The following PTER variants were observed in gnomAD, a reference collection of about 807,000 sequenced individuals.
PTER encodes N-acetyltaurine hydrolase.
In PTER, 38 loss-of-function variants were observed where a neutral mutation model predicts 29.6. That is an observed-to-expected ratio of 1.28 (90% CI 0.99 to 1.68). The LOEUF (loss-of-function observed/expected upper bound fraction) is 1.68, where lower values mean the gene tolerates loss of function less well. Among genes scored for constraint, PTER ranks in the 40% most tolerant of loss-of-function variants. The pLI is 0.00. For missense variants in PTER, 482 were observed against 427.8 expected, an observed-to-expected ratio of 1.13 and a Z score of -1.12; for synonymous variants, 172 against 154.5, an observed-to-expected ratio of 1.11 and a Z score of -0.84.
In PTER at chr10:16,484,410, A is replaced by G; in HGVS notation, c.26A>G (p.Gln9Arg). 6.3e-7 allele frequency: 1 copy of G among 1,597,376 alleles called. No individual in the cohort carries two copies. Among genetic ancestry groups the G allele is most frequent in the Non-Finnish European group, 8.5e-7 (1 of 1,175,560 alleles). The change falls in exon 2 of 5, where the codon CAA (glutamine) becomes CGA (arginine). Residue 9 changes from glutamine (Q) to arginine (R), a missense_variant. Transcript: ENST00000535784. Reference sequence around the variant, plus strand: ...ATGTCTTCCTTAAGTGGAAAAGTCCAAACCGTTTTGGGCCTTGTAGAGCCA... The same window carrying G: ...ATGTCTTCCTTAAGTGGAAAAGTCCGAACCGTTTTGGGCCTTGTAGAGCCA... MSSLSGKVQTVLGLVEPSK... is the reference protein window; with the variant it reads MSSLSGKVRTVLGLVEPSK...
chr10:16,476,611 G>A (rs183018450), intron 1 of PTER, among the ~76,000 whole-genome samples: 145 of 152,144 alleles, frequency 9.5e-4, no homozygotes, highest in Non-Finnish European at 1.9e-3. Flanking sequence ...TGTTGGCCAG[G>A]TTGGAGTGCA....
chr10:16,482,200 A>G (rs564921690), intron 1 of PTER, among the ~76,000 whole-genome samples: 1 of 152,346 alleles, frequency 6.6e-6, no homozygotes, highest in South Asian at 2.1e-4. Context: ...ATAAGCCAAT[A>G]TATCGCAAAC....
chr10:16,511,087 T>C lies in PTER; in HGVS notation c.881T>C (p.Leu294Pro), dbSNP rs764509957. The C allele has an allele frequency of 2.5e-6, 4 of 1,613,896 alleles. No individual in the cohort carries two copies. Among genetic ancestry groups the C allele is most frequent in the Non-Finnish European group, 3.4e-6 (4 of 1,179,964 alleles). Residue 294 changes from leucine (L) to proline (P), a missense_variant, in exon 5 of 5, where the codon CTG becomes CCG. By Grantham distance (98) the Leu-to-Pro change is moderately conservative. Coordinates refer to ENST00000535784, the MANE Select transcript of PTER (RefSeq NM_001261836.2). ...LVEEGCEDRI[L>P]VAHDIHTKTR... ...GAAGAGGGCTGTGAAGATCGAATTCTGGTAGCACATGACATACATACGAAA... is the reference window on the plus strand; with the variant it reads ...GAAGAGGGCTGTGAAGATCGAATTCCGGTAGCACATGACATACATACGAAA...
intron 1 of PTER, among the ~76,000 whole-genome samples, chr10:16,462,025 A>G (rs1834631342): frequency 6.8e-6 from 1 of 146,788 alleles, no homozygotes. Context: ...TGCTCTTGTC[A>G]CCCAGGCTGG....
intron 1 of PTER, among the ~76,000 whole-genome samples, chr10:16,441,640 C>T (rs1266331606): frequency 6.6e-6 from 1 of 152,204 alleles, no homozygotes; most frequent in African/African-American, 2.4e-5. Context: ...TTATTATAGT[C>T]AGGCGAGTGA....
In PTER at chr10:16,444,871, T is replaced by C. The variant is rs141066243; in HGVS notation, c.-49+7824T>C. On this transcript the variant is annotated intron_variant, in intron 1 of 4. Coordinates refer to ENST00000535784, the MANE Select transcript of PTER (RefSeq NM_001261836.2). ...TAATCCTTAAAAGAATCTTACGTAG[T>C]AAATTGGTAGTCAGAAATATTAGAG... 3.7e-4 allele frequency among the ~76,000 whole-genome samples: 57 copies of C among 152,314 alleles called. 1 individual carries two copies. The highest frequency in any genetic ancestry group is 1.3e-3 in the African/African-American group (55 of 41,574).
intron 1 of PTER, among the ~76,000 whole-genome samples, chr10:16,450,514 G>T (rs1834166499): frequency 6.6e-6 from 1 of 152,218 alleles, no homozygotes; most frequent in African/African-American, 2.4e-5. Context: ...CCAAGTTGCA[G>T]GGTCCCATTC....
intron 1 of PTER, among the ~76,000 whole-genome samples, chr10:16,454,387 C>T (rs1439421147): frequency 6.6e-6 from 1 of 151,902 alleles, no homozygotes; most frequent in Non-Finnish European, 1.5e-5. Flanking sequence ...CCAGCCTGGG[C>T]AACATGGCAA....
chr10:16,456,662 G>A (rs982325396), intron 1 of PTER, among the ~76,000 whole-genome samples: 1 of 152,120 alleles, frequency 6.6e-6, no homozygotes, highest in Non-Finnish European at 1.5e-5. Context: ...AGAGGTACCC[G>A]CAGGGGAGAA....
chr10:16,466,711 T>C (rs367641874), intron 1 of PTER, among the ~76,000 whole-genome samples: 2 of 152,216 alleles, frequency 1.3e-5, no homozygotes, highest in Non-Finnish European at 2.9e-5. Context: ...AAGACTTTTC[T>C]TGGAGAGTCT....
intron 1 of PTER, among the ~76,000 whole-genome samples, chr10:16,471,642 C>G (rs1389914253): frequency 6.6e-6 from 1 of 151,988 alleles, no homozygotes; most frequent in Non-Finnish European, 1.5e-5. Context: ...GAGCATTTTT[C>G]TTTATTTTCC....
intron 3 of PTER, among the ~76,000 whole-genome samples, chr10:16,503,057 T>C (rs1836417374): frequency 7.5e-6 from 1 of 132,682 alleles, no homozygotes; most frequent in Non-Finnish European, 1.6e-5. Flanking sequence ...CATGGACACA[T>C]GATAGTGCTT....
chr10:16,442,133 A>G (rs959092856), intron 1 of PTER, among the ~76,000 whole-genome samples: 1 of 152,216 alleles, frequency 6.6e-6, no homozygotes, highest in Non-Finnish European at 1.5e-5. Flanking sequence ...TGTAACTGAA[A>G]GCCCATTGCG....
At position 16,505,856 on chromosome 10, in the gene PTER, A is replaced by G. The variant is rs1193409619; in HGVS notation, c.839+696A>G. Reference sequence around the variant, plus strand: ...GAAGGCTTTCGTTTGGGAATATCTAAGTGTTGCTACCCAGTGAAGCCCTAA... The same window carrying G: ...GAAGGCTTTCGTTTGGGAATATCTAGGTGTTGCTACCCAGTGAAGCCCTAA... On this transcript the variant is annotated intron_variant, in intron 4 of 4. Transcript: ENST00000535784. Among the ~76,000 whole-genome samples, 3 of 152,274 alleles carry G rather than the reference A, an allele frequency of 2.0e-5. No individual in the cohort carries two copies. In the East Asian group the frequency reaches 5.8e-4, roughly 29 times the overall value.
chr10:16,487,138 A>G (rs1835733125), intron 3 of PTER, among the ~76,000 whole-genome samples: 1 of 152,236 alleles, frequency 6.6e-6, no homozygotes, highest in Admixed American at 6.5e-5. Context: ...AATAATAGTA[A>G]TAAGTATAGC....
intron 1 of PTER, among the ~76,000 whole-genome samples, chr10:16,440,113 T>A (rs182229374): frequency 2.7e-5 from 4 of 147,560 alleles, no homozygotes; most frequent in Non-Finnish European, 4.4e-5. Flanking sequence ...TTGCCCAGAC[T>A]GGAGTGCAGT....
chr10:16,486,089 C>T (rs1265755891), intron 2 of PTER, among the ~76,000 whole-genome samples: 1 of 152,018 alleles, frequency 6.6e-6, no homozygotes, highest in African/African-American at 2.4e-5. Flanking sequence ...GTCACTTTGT[C>T]CCCCTCCAGC....
At chr10:16,501,920 T>C (rs11254033) in intron 3 of PTER, among the ~76,000 whole-genome samples, 82,366 of 152,030 alleles carry the variant, frequency 0.54, 22,942 homozygotes, top group East Asian at 0.83. Context: ...TAATGCACTT[T>C]GCACAATGTC....
intron 3 of PTER, among the ~76,000 whole-genome samples, chr10:16,500,247 C>A (rs2133489035): frequency 6.7e-6 from 1 of 149,208 alleles, no homozygotes; most frequent in South Asian, 2.1e-4. Flanking sequence ...TTTTTTGAGA[C>A]AAGGTCTCAC....
Sources: gnomAD v4.1 joint callset for allele counts (sites outside exome capture counted in the v4.1 genomes callset) on GRCh38, gnomAD v4.1.1 for gene constraint, MANE v1.5 for transcripts, NCBI Gene and HGNC (gene_info 2026-07-23, HGNC 2026-07-21) for gene names.